Variants in ETV1 observed in about 807,000 individuals in gnomAD.
ETV1 encodes ETS variant transcription factor 1.
In ETV1, 27 loss-of-function variants were observed where a neutral mutation model predicts 62.3. That is an observed-to-expected ratio of 0.43 (90% CI 0.32 to 0.60). The LOEUF is 0.60. ETV1 is among the 20% of genes least tolerant of loss of function. The pLI, the probability that ETV1 is intolerant of heterozygous loss-of-function variation, is 0.06. For synonymous variants in ETV1, 222 were observed against 199.6 expected (o/e 1.11, Z -0.94); for missense variants, 605 against 605.8 (o/e 1.00, Z 0.01).
At chr7:13,958,167 G>A (rs1211501196) in intron 6 of ETV1, among the ~76,000 whole-genome samples, 1 of 152,146 alleles carries the variant, frequency 6.6e-6, no homozygotes, top group Non-Finnish European at 1.5e-5. Flanking sequence ...AACTAGAAGT[G>A]TGCCTATATA....
In ETV1 at chr7:13,905,290, T is replaced by C. The variant is rs569669019; in HGVS notation, c.1110+1140A>G. Among the ~76,000 whole-genome samples the C allele has an allele frequency of 8.5e-5, 13 of 152,270 alleles. No homozygotes were observed. The South Asian group carries it at 1.2e-3, about 15-fold the overall frequency. Reference sequence around the variant, plus strand: ...AGTAGTCAAGGGTGTGGATGTTCAGTGTATATGAAAATCACTTTGGGTTCA... The same window carrying C: ...AGTAGTCAAGGGTGTGGATGTTCAGCGTATATGAAAATCACTTTGGGTTCA... On this transcript the variant is annotated intron_variant, in intron 12 of 13. Transcript: ENST00000430479.
intron 13 of ETV1, 72 bp downstream of exon 13, chr7:13,900,666 G>T: frequency 9.7e-7 from 1 of 1,032,364 alleles, no homozygotes; most frequent in Non-Finnish European, 1.4e-6. Context: ...AATGATATGT[G>T]GCGTTTAAAG....
intron 12 of ETV1, among the ~76,000 whole-genome samples, chr7:13,904,199 T>G (rs940800608): frequency 1.3e-5 from 2 of 152,190 alleles, no homozygotes; most frequent in African/African-American, 4.8e-5. Flanking sequence ...AATGCAGCAA[T>G]CAGATATGGG....
rs1388416308 is a variant in ETV1, at chr7:13,893,318, A to G, written c.*2548T>C. On this transcript the variant is annotated 3_prime_UTR_variant, in exon 14 of 14. Transcript: ENST00000430479. ...TATTAATCTACCTGAAAACAAAAAC[A>G]TAAAAACTCAACCAAAAAGTGGAAT... 1.3e-5 allele frequency: 3 copies of G among 231,780 alleles called. No individual in the cohort carries two copies. The highest frequency in any genetic ancestry group is 6.6e-5 in the African/African-American group (3 of 45,284). 14.4% of individuals were successfully genotyped at this position (231,780 alleles called of 1,614,324 possible). A position where few individuals can be genotyped will look rare whatever the true frequency, so the allele number is the denominator to read the frequency against.
At chr7:13,953,310 AT>A (rs1789040725) in intron 6 of ETV1, among the ~76,000 whole-genome samples, 1 of 152,186 alleles carries the variant, frequency 6.6e-6, no homozygotes, top group Non-Finnish European at 1.5e-5. Context: ...AAATTACCTA[AT>A]TATGACCTTT....
At chr7:13,987,729 T>A (rs775385314) in intron 4 of ETV1, among the ~76,000 whole-genome samples, 3 of 152,198 alleles carry the variant, frequency 2.0e-5, no homozygotes, top group Admixed American at 1.3e-4. Context: ...AAGTAAGCAG[T>A]GTACATAGCT....
intron 5 of ETV1, among the ~76,000 whole-genome samples, chr7:13,983,329 A>C (rs1782190989): frequency 6.6e-6 from 1 of 152,010 alleles, no homozygotes; most frequent in African/African-American, 2.4e-5. Context: ...TAAGAAGCAA[A>C]TTTGGAAGAA....
chr7:13,891,421 T>G lies in ETV1; in HGVS notation c.*4445A>C, dbSNP rs1055145864. On this transcript the variant is annotated 3_prime_UTR_variant, in exon 14 of 14. Transcript: ENST00000430479. ...AAAGTAACTAATACTGGAGTCTATA[T>G]GCAAAAAAGACCCTACCTTACATAT... 4.3e-6 allele frequency: 1 copy of G among 231,568 alleles called. No individual in the cohort carries two copies. The allele number at this position is 231,568 out of a possible 1,614,324, so 14.3% of individuals were successfully genotyped here. A position where few individuals can be genotyped will look rare whatever the true frequency, so the allele number is the denominator to read the frequency against.
intron 2 of ETV1, 42 bp from the exon 3 acceptor site, chr7:13,989,181 AT>A: frequency 2.8e-6 from 2 of 723,546 alleles, no homozygotes; most frequent in African/African-American, 1.9e-5. Context: ...AAAAAAAATC[AT>A]GAATGAAGCT....
intron 9 of ETV1, among the ~76,000 whole-genome samples, chr7:13,918,738 G>T (rs559512980): frequency 6.6e-6 from 1 of 151,374 alleles, no homozygotes; most frequent in Admixed American, 6.6e-5. Flanking sequence ...GTGGGGGGAC[G>T]GGGGAGGGAT....
intron 6 of ETV1, among the ~76,000 whole-genome samples, chr7:13,970,820 T>G (rs1355713205): frequency 2.0e-5 from 3 of 152,154 alleles, no homozygotes; most frequent in African/African-American, 2.4e-5. Context: ...GACAGGTACG[T>G]GTTAACACAA....
chr7:13,916,606 C>A (rs1311901455), intron 9 of ETV1, among the ~76,000 whole-genome samples: 1 of 151,656 alleles, frequency 6.6e-6, no homozygotes. Context: ...CCACTGCACT[C>A]CAGCTGTGAC....
intron 6 of ETV1, among the ~76,000 whole-genome samples, chr7:13,964,507 T>C (rs1790552932): frequency 6.6e-6 from 1 of 152,160 alleles, no homozygotes. Context: ...TAGATCACGA[T>C]CATACTTAAT....
Position 13,988,075 on chromosome 7 carries a change from T to C in ETV1, c.133+11A>G. ...AAAAAAATGGGGATTCAGCCCAAAA[T>C]CAAACCTCACCTTCTGAATCATGAG... On this transcript the variant is annotated intron_variant, in intron 4 of 13. Transcript: ENST00000430479. The C allele has an allele frequency of 6.3e-7, 1 of 1,584,192 alleles. No individual in the cohort carries two copies. The highest frequency in any genetic ancestry group is 8.7e-7 in the Non-Finnish European group (1 of 1,152,808).
Position 13,931,580 on chromosome 7 carries a change from C to T in ETV1, c.724G>A (p.Val242Ile). The T allele has an allele frequency of 6.2e-7, 1 of 1,614,048 alleles. No individual in the cohort carries two copies. The highest frequency in any genetic ancestry group is 1.7e-5 in the Admixed American group (1 of 60,032). ...HDPVYEHNTM[V>I]GSAASQSFPP... ...AAGCTTTGGCTGGCCGCACTGCCAACCATGGTGTTGTGTTCATACACTGGG... is the reference window on the plus strand; with the variant it reads ...AAGCTTTGGCTGGCCGCACTGCCAATCATGGTGTTGTGTTCATACACTGGG... The change falls in exon 9 of 14, where the codon GTT (valine) becomes ATT (isoleucine). Residue 242 changes from valine (V) to isoleucine (I), a missense_variant. Val to Ile is a conservative substitution (Grantham distance 29, BLOSUM62 3). Coordinates refer to ENST00000430479, the MANE Select transcript of ETV1 (RefSeq NM_004956.5).
chr7:13,957,179 A>C (rs530091578), intron 6 of ETV1, among the ~76,000 whole-genome samples: 239 of 152,024 alleles, frequency 1.6e-3, no homozygotes, highest in African/African-American at 5.5e-3. Context: ...TCCGCCTCCC[A>C]GGTTTACGCC....
At chr7:13,922,820 T>C (rs1012229361) in intron 9 of ETV1, among the ~76,000 whole-genome samples, 2 of 152,234 alleles carry the variant, frequency 1.3e-5, no homozygotes, top group Non-Finnish European at 2.9e-5. Context: ...TTCTGTTTCC[T>C]GGATAATATT....
intron 6 of ETV1, among the ~76,000 whole-genome samples, chr7:13,953,033 T>C (rs934159994): frequency 2.6e-5 from 4 of 152,174 alleles, no homozygotes; most frequent in South Asian, 2.1e-4. Flanking sequence ...ACAATCCAAA[T>C]CTAATCAGTT....
intron 3 of ETV1, 192 bp downstream of exon 3, chr7:13,988,816 T>C (rs1242512387): frequency 3.1e-6 from 5 of 1,602,544 alleles, no homozygotes; most frequent in Admixed American, 1.8e-5. Context: ...AACTATGCCT[T>C]ATCCAAATCA....
Sources: allele counts gnomAD v4.1 joint callset (sites outside exome capture counted in the v4.1 genomes callset), GRCh38; gene constraint gnomAD v4.1.1; transcripts MANE v1.5; gene names NCBI Gene and HGNC (gene_info 2026-07-23, HGNC 2026-07-21).